Variants in FAM204A observed in about 807,000 individuals in gnomAD.
The protein encoded by FAM204A is protein FAM204A.
FAM204A carries 16 observed loss-of-function variants against 35.4 expected under a neutral mutation model. The observed-to-expected ratio is 0.45, with a 90% CI of 0.31 to 0.69. FAM204A has a LOEUF of 0.69. Ranked by LOEUF, FAM204A falls within the 30% of genes least tolerant of loss-of-function variation. FAM204A has a pLI of 0.07. For missense variants in FAM204A, 240 were observed against 265.7 expected (o/e 0.90, Z 0.67); for synonymous variants, 76 against 86.9 (o/e 0.88, Z 0.70).
chr10:118,316,157 AGT>A (rs1846026972), intron 7 of FAM204A, among the ~76,000 whole-genome samples: 1 of 152,218 alleles, frequency 6.6e-6, no homozygotes, highest in African/African-American at 2.4e-5. Flanking sequence ...AATAAGAAAA[AGT>A]ACTTCCAATG....
chr10:118,331,056 T>C (rs1030704400), intron 6 of FAM204A, among the ~76,000 whole-genome samples: 2 of 152,178 alleles, frequency 1.3e-5, no homozygotes, highest in African/African-American at 4.8e-5. Context: ...AATATCAGGA[T>C]ACCATTATTG....
chr10:118,326,018 AAG>A (rs1470305467), intron 7 of FAM204A, 134 bp downstream of exon 7: 25 of 639,698 alleles, frequency 3.9e-5, no homozygotes, highest in Non-Finnish European at 5.3e-5. Flanking sequence ...GACAGAATAA[AAG>A]AGAAGAAAAT....
At chr10:118,333,539 G>C (rs547350960) in intron 6 of FAM204A, among the ~76,000 whole-genome samples, 1 of 152,246 alleles carries the variant, frequency 6.6e-6, no homozygotes, top group Admixed American at 6.5e-5. Context: ...TTAAACCAAC[G>C]ATCCCAAACC....
In FAM204A at chr10:118,335,536, T is replaced by G; in HGVS notation, c.322+18A>C. 1 of 1,608,518 alleles carries G rather than the reference T, an allele frequency of 6.2e-7. No individual in the cohort carries two copies. Among genetic ancestry groups the G allele is most frequent in the Non-Finnish European group, 8.5e-7 (1 of 1,178,536 alleles). ...CTTAGCATTAGCACGACGAACAACC[T>G]GAGTTAAAACAAAACACCTTTTCTG... On this transcript the variant is annotated intron_variant, in intron 4 of 8. Transcript: ENST00000369183.
At chr10:118,312,036 G>T (rs1382848144) in intron 7 of FAM204A, among the ~76,000 whole-genome samples, 1 of 152,228 alleles carries the variant, frequency 6.6e-6, no homozygotes, top group Middle Eastern at 3.4e-3. Context: ...AACAGTCCCT[G>T]TTTCTCCAGC....
rs183783591 is a variant in FAM204A, at chr10:118,308,500, C to T, written c.*2357G>A. ...CTCTCAAATGACATGTCAGCAGGGC[C>T]AATCCAAGACAACCTGTCCCCACAA... is the stretch of plus-strand genomic sequence containing the variant. On this transcript the variant is annotated 3_prime_UTR_variant, in exon 9 of 9. Transcript: ENST00000369183. 1 of 152,282 alleles carries T rather than the reference C, an allele frequency of 6.6e-6. No homozygotes were observed. The highest frequency in any genetic ancestry group is 6.5e-5 in the Admixed American group (1 of 15,306). 9.4% of individuals were successfully genotyped at this position (152,282 alleles called of 1,614,324 possible).
In FAM204A at chr10:118,336,276, A is replaced by G; in HGVS notation, c.140T>C (p.Ile47Thr). 1.2e-6 allele frequency: 2 copies of G among 1,613,882 alleles called. No homozygotes were observed. Among genetic ancestry groups the G allele is most frequent in the South Asian group, 1.1e-5 (1 of 91,076 alleles). The change falls in exon 3 of 9, where the codon ATA becomes ACA. Residue 47 changes from isoleucine (I) to threonine (T), a missense_variant. Coordinates refer to ENST00000369183, the MANE Select transcript of FAM204A (RefSeq NM_022063.3). ...TTTTGGTTCATCTGTTGAGAAATCTATGATTTCTGTTTTTCTGATGCTCTC... is the reference window on the plus strand; with the variant it reads ...TTTTGGTTCATCTGTTGAGAAATCTGTGATTTCTGTTTTTCTGATGCTCTC... Reference protein sequence around the residue: ...EDESIRKTEIIDFSTDEPKTE... With the variant: ...EDESIRKTEITDFSTDEPKTE...
At chr10:118,340,437 T>C (rs1846459075) in intron 2 of FAM204A, among the ~76,000 whole-genome samples, 1 of 152,242 alleles carries the variant, frequency 6.6e-6, no homozygotes, top group African/African-American at 2.4e-5. Flanking sequence ...AAATGATCTC[T>C]GAGATGTCTT....
rs994440537 is a variant in FAM204A, at chr10:118,306,192, T to G, written c.*4665A>C. The stretch of plus-strand genomic sequence containing the variant: ...CATACCTGTCACATAGCAGGCCCCC[T>G]GCAGCTATTCAGCGAGAGGCAGCCC... On this transcript the variant is annotated 3_prime_UTR_variant, in exon 9 of 9. Coordinates refer to ENST00000369183, the MANE Select transcript of FAM204A (RefSeq NM_022063.3). 1 of 152,290 alleles carries G rather than the reference T, an allele frequency of 6.6e-6. No homozygotes were observed. The highest frequency in any genetic ancestry group is 1.5e-5 in the Non-Finnish European group (1 of 68,104). 9.4% of individuals were successfully genotyped at this position (152,290 alleles called of 1,614,324 possible).
chr10:118,320,746 G>C (rs989967349), intron 7 of FAM204A, among the ~76,000 whole-genome samples: 1 of 151,852 alleles, frequency 6.6e-6, no homozygotes, highest in Non-Finnish European at 1.5e-5. Context: ...AACATGTGAA[G>C]TGACTGAGAC....
chr10:118,315,759 C>A (rs1846021029), intron 7 of FAM204A, among the ~76,000 whole-genome samples: 1 of 152,068 alleles, frequency 6.6e-6, no homozygotes, highest in Admixed American at 6.6e-5. Flanking sequence ...ATTAATCAAG[C>A]CTGCAAACAG....
Position 118,310,756 on chromosome 10 carries a change from T to C in FAM204A, c.*101A>G. 1 of 989,464 alleles carries C rather than the reference T, an allele frequency of 1.0e-6. No individual in the cohort carries two copies. The highest frequency in any genetic ancestry group is 2.5e-5 in the East Asian group (1 of 40,286). The allele number at this position is 989,464 out of a possible 1,614,324, so 61.3% of individuals were successfully genotyped here. ...ATCCCAAATTTTATGCTTATTTTTG[T>C]TTTAGTGCTATCAATTTTCTGACAT... On this transcript the variant is annotated 3_prime_UTR_variant, in exon 9 of 9. Coordinates refer to ENST00000369183, the MANE Select transcript of FAM204A (RefSeq NM_022063.3).
intron 7 of FAM204A, among the ~76,000 whole-genome samples, chr10:118,324,776 T>C (rs1846171804): frequency 6.6e-6 from 1 of 152,072 alleles, no homozygotes; most frequent in African/African-American, 2.4e-5. Context: ...TGGACAGCAA[T>C]GTAAATGCAC....
chr10:118,331,078 G>T (rs1258065069), intron 6 of FAM204A, among the ~76,000 whole-genome samples: 5 of 152,130 alleles, frequency 3.3e-5, no homozygotes, highest in Non-Finnish European at 7.4e-5. Context: ...AAAAGAGAAG[G>T]CTTATCTCTA....
At chr10:118,324,538 A>G (rs1846168226) in intron 7 of FAM204A, among the ~76,000 whole-genome samples, 2 of 152,354 alleles carry the variant, frequency 1.3e-5, no homozygotes, top group South Asian at 4.1e-4. Context: ...CACATGCTGC[A>G]GCAACATGGA....
At chr10:118,318,719 G>A (rs1846067394) in intron 7 of FAM204A, among the ~76,000 whole-genome samples, 2 of 151,952 alleles carry the variant, frequency 1.3e-5, no homozygotes, top group South Asian at 2.1e-4. Flanking sequence ...CTGGATTACA[G>A]AATAAAGATC....
chr10:118,329,879 T>C (rs1846263493), intron 6 of FAM204A, among the ~76,000 whole-genome samples: 1 of 152,148 alleles, frequency 6.6e-6, no homozygotes, highest in South Asian at 2.1e-4. Context: ...ACATACCAAC[T>C]ACTCTGAGAA....
At chr10:118,335,807 T>C (rs546660111) in intron 3 of FAM204A, among the ~76,000 whole-genome samples, 166 bp from the exon 4 acceptor site, 14 of 152,346 alleles carry the variant, frequency 9.2e-5, no homozygotes, top group African/African-American at 2.9e-4. Context: ...ACTCACAACC[T>C]GAGTTTTGAT....
chr10:118,323,322 G>A (rs1422137286), intron 7 of FAM204A, among the ~76,000 whole-genome samples: 1 of 152,082 alleles, frequency 6.6e-6, no homozygotes, highest in Non-Finnish European at 1.5e-5. Context: ...CTATCTCACA[G>A]ACTCCAGAGC....
Sources: gnomAD v4.1 joint callset for allele counts (sites outside exome capture counted in the v4.1 genomes callset) on GRCh38, gnomAD v4.1.1 for gene constraint, MANE v1.5 for transcripts, NCBI Gene and HGNC (gene_info 2026-07-23, HGNC 2026-07-21) for gene names.